CHN1: variants seen among roughly 807,000 people sequenced by gnomAD.
The protein encoded by CHN1 is N-chimaerin.
A neutral mutation model predicts 59.5 loss-of-function variants in CHN1; 37 were observed. That is an observed-to-expected ratio of 0.62 (90% CI 0.48 to 0.82). CHN1 has a LOEUF of 0.82. Among genes scored for constraint, CHN1 ranks in the 40% least tolerant of loss-of-function variants. The probability of loss-of-function intolerance (pLI) is 0.00; values close to 1 mark genes in which losing one functional copy is unlikely to be tolerated. For missense variants in CHN1, 469 were observed against 571.0 expected (o/e 0.82, Z 1.82); for synonymous variants, 206 against 200.4 (o/e 1.03, Z -0.24).
At position 174,877,857 on chromosome 2, in the gene CHN1, C is replaced by G. The variant is rs746996101; in HGVS notation, c.532G>C (p.Gly178Arg). Residue 178 changes from glycine to arginine, a missense_variant, in exon 6 of 13, where the codon GGG becomes CGG. By Grantham distance (125) the Gly-to-Arg change is moderately radical. Coordinates refer to ENST00000409900, the MANE Select transcript of CHN1 (RefSeq NM_001822.7). ...TAGCTTACCCTTTTCTCTGACACCC[C>G]ATCCTGGCCTGTAGAATCTCTCTCA... ...HDERDSTGQD[G>R]VSEKRLTSLV... 5.0e-6 allele frequency: 8 copies of G among 1,611,682 alleles called. No homozygotes were observed. Among genetic ancestry groups the G allele is most frequent in the Non-Finnish European group, 6.8e-6 (8 of 1,178,652 alleles).
intron 1 of CHN1, among the ~76,000 whole-genome samples, chr2:174,983,622 G>T (rs1478695125): frequency 6.6e-6 from 1 of 152,064 alleles, no homozygotes; most frequent in Non-Finnish European, 1.5e-5. Context: ...AAGGTCAGGA[G>T]TTTGAGACCA....
At chr2:174,987,532 C>T (rs909466215) in intron 1 of CHN1, among the ~76,000 whole-genome samples, 6 of 151,838 alleles carry the variant, frequency 4.0e-5, no homozygotes, top group Non-Finnish European at 8.8e-5. Flanking sequence ...CTCAGCCTCC[C>T]GAGTAGCTGG....
intron 3 of CHN1, among the ~76,000 whole-genome samples, chr2:174,926,174 G>A (rs942490879): frequency 6.6e-6 from 1 of 151,502 alleles, no homozygotes; most frequent in Non-Finnish European, 1.5e-5. Context: ...CATTTACTGT[G>A]CAGTTTTATA....
chr2:174,958,402 C>G (rs763692453), intron 1 of CHN1, among the ~76,000 whole-genome samples: 38 of 152,180 alleles, frequency 2.5e-4, no homozygotes, highest in Non-Finnish European at 2.8e-4. Context: ...GGAACTCCCC[C>G]ACTCAATTTG....
rs552532424 is a variant in CHN1, at chr2:174,801,974, C to A, written c.1103-162G>T. The A allele has an allele frequency of 5.2e-5, 28 of 535,854 alleles. No individual in the cohort carries two copies. In the East Asian group the frequency reaches 8.6e-4, roughly 16 times the overall value. The allele number at this position is 535,854 out of a possible 1,614,324, so 33.2% of individuals were successfully genotyped here. The stretch of plus-strand genomic sequence containing the variant: ...TGGAAATTATTTTTAAGGTTCAAGT[C>A]CAGATTTCCAAAGGCTCTTAGTTTC... On this transcript the variant is annotated intron_variant, in intron 11 of 12. Coordinates refer to ENST00000409900, the MANE Select transcript of CHN1 (RefSeq NM_001822.7).
At chr2:174,805,616 G>C (rs1684858907) in intron 11 of CHN1, among the ~76,000 whole-genome samples, 1 of 152,174 alleles carries the variant, frequency 6.6e-6, no homozygotes, top group Non-Finnish European at 1.5e-5. Flanking sequence ...AGAGGTCCAG[G>C]GAAGAGCAGA....
intron 3 of CHN1, among the ~76,000 whole-genome samples, chr2:174,929,369 G>A (rs1222135263): frequency 6.6e-6 from 1 of 152,178 alleles, no homozygotes; most frequent in African/African-American, 2.4e-5. Context: ...CCTGAAGTCA[G>A]AAGTTCAAGA....
intron 4 of CHN1, among the ~76,000 whole-genome samples, chr2:174,916,322 G>A (rs62184785): frequency 0.3 from 46,127 of 151,872 alleles, 8,451 homozygotes; most frequent in Admixed American, 0.45. Flanking sequence ...TTTCTGTGAT[G>A]CCCCTGTGCA....
intron 5 of CHN1, among the ~76,000 whole-genome samples, chr2:174,909,975 G>T (rs115192857): frequency 0.014 from 2,169 of 152,262 alleles, 24 homozygotes; most frequent in Non-Finnish European, 0.022. Flanking sequence ...CAGGAAACTA[G>T]AACTCAGGTT....
At chr2:174,911,124 A>G (rs936528689) in intron 5 of CHN1, among the ~76,000 whole-genome samples, 2 of 152,302 alleles carry the variant, frequency 1.3e-5, no homozygotes, top group South Asian at 2.1e-4. Flanking sequence ...AGTCAGGAAT[A>G]GTAAACCAGA....
intron 7 of CHN1, among the ~76,000 whole-genome samples, chr2:174,841,035 C>T (rs143327493): frequency 3.9e-4 from 59 of 152,248 alleles, no homozygotes; most frequent in Non-Finnish European, 6.0e-4. Context: ...AATAAAGGGC[C>T]ATGGTCTGTG....
At chr2:174,823,202 A>G (rs535343253) in intron 8 of CHN1, among the ~76,000 whole-genome samples, 1 of 152,366 alleles carries the variant, frequency 6.6e-6, no homozygotes, top group African/African-American at 2.4e-5. Flanking sequence ...TATAGTTACC[A>G]TTTTGAAATA....
chr2:174,895,194 G>A (rs1375258157), intron 5 of CHN1, among the ~76,000 whole-genome samples: 1 of 117,052 alleles, frequency 8.5e-6, no homozygotes, highest in Non-Finnish European at 1.9e-5. Context: ...ATATGTGTGT[G>A]TGTGTATATA....
intron 1 of CHN1, among the ~76,000 whole-genome samples, chr2:174,963,052 A>G (rs1411147077): frequency 6.6e-6 from 1 of 152,250 alleles, no homozygotes; most frequent in East Asian, 1.9e-4. Context: ...ACCTAATATA[A>G]AAGATAATTT....
At chr2:174,875,940 G>T in intron 6 of CHN1, 1 of 448,078 alleles carries the variant, frequency 2.2e-6, no homozygotes, top group Non-Finnish European at 3.0e-6. Flanking sequence ...GCGGTTTAAA[G>T]CAAAGAGTAA....
At chr2:174,949,529 T>C (rs1208845458) in intron 2 of CHN1, among the ~76,000 whole-genome samples, 3 of 152,018 alleles carry the variant, frequency 2.0e-5, no homozygotes, top group Non-Finnish European at 4.4e-5. Flanking sequence ...GCTAATGTTT[T>C]TATTTCTTAT....
chr2:174,831,537 T>C (rs1209586857), intron 7 of CHN1, among the ~76,000 whole-genome samples: 1 of 152,206 alleles, frequency 6.6e-6, no homozygotes, highest in Non-Finnish European at 1.5e-5. Flanking sequence ...CTTTGATTAT[T>C]ATATGCTACA....
intron 3 of CHN1, among the ~76,000 whole-genome samples, chr2:174,940,078 G>A (rs1458046715): frequency 2.6e-5 from 4 of 152,040 alleles, no homozygotes; most frequent in African/African-American, 9.7e-5. Context: ...TGCCCAAGCT[G>A]GAGTGCAGTG....
At chr2:174,941,153 T>C (rs943456167) in intron 3 of CHN1, among the ~76,000 whole-genome samples, 4 of 152,222 alleles carry the variant, frequency 2.6e-5, no homozygotes, top group African/African-American at 4.8e-5. Flanking sequence ...AACTTTCAAA[T>C]AGGCTCCTGT....
Sources: gnomAD v4.1 joint callset for allele counts (sites outside exome capture counted in the v4.1 genomes callset) on GRCh38, gnomAD v4.1.1 for gene constraint, MANE v1.5 for transcripts, NCBI Gene and HGNC (gene_info 2026-07-23, HGNC 2026-07-21) for gene names.